PCDHGA3: variants seen among roughly 807,000 people sequenced by gnomAD.
The protein encoded by PCDHGA3 is protocadherin gamma subfamily A, 3, also known as protocadherin gamma-A3.
Under a neutral mutation model 58.5 loss-of-function variants are expected in PCDHGA3, and 40 were observed. The ratio of observed to expected loss-of-function variants is 0.68; its 90% CI spans 0.53 to 0.89. PCDHGA3 has a LOEUF of 0.89. Among genes scored for constraint, PCDHGA3 ranks in the 40% least tolerant of loss-of-function variants. The pLI is 0.00. For missense variants in PCDHGA3, 1,223 were observed against 1,195.9 expected (o/e 1.02, Z -0.33); for synonymous variants, 530 against 525.7 (o/e 1.01, Z -0.11).
In PCDHGA3 at chr5:141,366,896, A is replaced by T. The variant is rs73265840; in HGVS notation, c.2424+20439A>T. On this transcript the variant is annotated intron_variant, in intron 1 of 3. Coordinates refer to ENST00000253812, the MANE Select transcript of PCDHGA3 (RefSeq NM_018916.4). The stretch of plus-strand genomic sequence containing the variant: ...GAGATTAATTTTTTTTATATAATTC[A>T]TGCTTTCTCCATTTGTTTTCAAATT... The T allele has an allele frequency of 1.9e-3, 2,253 of 1,216,574 alleles. 33 individuals carry two copies. The African/African-American group carries it at 0.031, about 17-fold the overall frequency. The allele number at this position is 1,216,574 out of a possible 1,614,324, so 75.4% of individuals were successfully genotyped here.
In PCDHGA3 at chr5:141,345,129, A is replaced by C. The variant is rs561605906; in HGVS notation, c.1096A>C (p.Ile366Leu). 1 of 1,613,954 alleles carries C rather than the reference A, an allele frequency of 6.2e-7. No individual in the cohort carries two copies. The highest frequency in any genetic ancestry group is 1.3e-5 in the African/African-American group (1 of 75,012). The change falls in exon 1 of 4, where the codon ATT (isoleucine) becomes CTT (leucine). Residue 366 changes from isoleucine to leucine, a missense_variant. Coordinates refer to ENST00000253812, the MANE Select transcript of PCDHGA3 (RefSeq NM_018916.4). ...VPEEGTVGRE[I>L]ALIDVHDRDS... is the part of the protein sequence containing the mutation. ...AGAAGAGGGCACCGTTGGAAGAGAAATTGCTCTTATCGACGTGCATGACCG... is the reference window on the plus strand; with the variant it reads ...AGAAGAGGGCACCGTTGGAAGAGAACTTGCTCTTATCGACGTGCATGACCG...
At chr5:141,388,261 T>G (rs1439243738) in intron 1 of PCDHGA3, 1 of 1,611,348 alleles carries the variant, frequency 6.2e-7, no homozygotes, top group East Asian at 2.2e-5. Context: ...ATCGAGGACA[T>G]TAATGACCAC....
At position 141,431,493 on chromosome 5, in the gene PCDHGA3, C is replaced by G. The variant is rs1281626711; in HGVS notation, c.2425-63314C>G. On this transcript the variant is annotated intron_variant, in intron 1 of 3. Transcript: ENST00000253812. The surrounding 1 kb of genome is among the most constrained non-coding windows in gnomAD (Gnocchi z 4.8). ...GACAACGCACCAGCGTTTGCTCAGC[C>G]CGAGTACCGCGCGAGCGTTCCGGAG... 1 of 1,613,994 alleles carries G rather than the reference C, an allele frequency of 6.2e-7. No individual in the cohort carries two copies. The highest frequency in any genetic ancestry group is 8.5e-7 in the Non-Finnish European group (1 of 1,180,042).
intron 1 of PCDHGA3, among the ~76,000 whole-genome samples, chr5:141,462,069 C>T (rs555164288): frequency 4.3e-4 from 65 of 151,850 alleles, no homozygotes; most frequent in Non-Finnish European, 7.5e-4. Context: ...GTGATCTGCC[C>T]GCCTTGGCCT....
chr5:141,468,981 A>G (rs1209945826), intron 1 of PCDHGA3, among the ~76,000 whole-genome samples: 4 of 151,852 alleles, frequency 2.6e-5, no homozygotes, highest in East Asian at 1.9e-4. Context: ...TTTGACTTCC[A>G]AAATTATTGT....
chr5:141,404,628 C>T (rs1183309479), intron 1 of PCDHGA3: 2 of 1,614,100 alleles, frequency 1.2e-6, no homozygotes, highest in Non-Finnish European at 1.7e-6. Flanking sequence ...AATGACAATG[C>T]CCCAGAAATC....
intron 1 of PCDHGA3, chr5:141,352,414 C>T (rs1759006095): frequency 1.2e-6 from 2 of 1,614,062 alleles, no homozygotes; most frequent in Non-Finnish European, 1.7e-6. Context: ...CCAGCCTCGA[C>T]ACTGAGGGCT....
At chr5:141,444,672 A>G (rs990955921) in intron 1 of PCDHGA3, among the ~76,000 whole-genome samples, 2 of 152,086 alleles carry the variant, frequency 1.3e-5, no homozygotes, top group Non-Finnish European at 2.9e-5. Flanking sequence ...ATTTTTTTCA[A>G]TACCATTTAT....
At chr5:141,474,754 T>C (rs1351752958) in intron 1 of PCDHGA3, among the ~76,000 whole-genome samples, 4 of 152,228 alleles carry the variant, frequency 2.6e-5, no homozygotes, top group Non-Finnish European at 4.4e-5. Flanking sequence ...CCAAGACAAA[T>C]ATACAGAAAT....
At chr5:141,357,716 T>G in intron 1 of PCDHGA3, 2 of 1,441,654 alleles carry the variant, frequency 1.4e-6, no homozygotes, top group Non-Finnish European at 1.9e-6. Context: ...TCAAATAAAG[T>G]TGCCTCTTTT....
chr5:141,374,727 T>A (rs1169090117), intron 1 of PCDHGA3: 2 of 1,610,538 alleles, frequency 1.2e-6, no homozygotes, highest in Non-Finnish European at 1.7e-6. Flanking sequence ...CTTACTGCCA[T>A]GGATGGCGGC....
Position 141,344,719 on chromosome 5 carries a change from A to G in PCDHGA3, c.686A>G (p.Gln229Arg), listed in dbSNP as rs1202466378. 1.9e-6 allele frequency: 3 copies of G among 1,613,978 alleles called. No individual in the cohort carries two copies. Among genetic ancestry groups the G allele is most frequent in the Non-Finnish European group, 8.5e-7 (1 of 1,179,892 alleles). ...DPVHSGNLHI[Q>R]VIVLDANDNP... The stretch of plus-strand genomic sequence containing the variant: ...GTCCACTCTGGCAACTTGCACATCC[A>G]AGTGATAGTCCTGGATGCAAATGAC... The change falls in exon 1 of 4, where the codon CAA (glutamine) becomes CGA (arginine). Residue 229 changes from glutamine (Q) to arginine (R), a missense_variant. Coordinates refer to ENST00000253812, the MANE Select transcript of PCDHGA3 (RefSeq NM_018916.4).
intron 1 of PCDHGA3, among the ~76,000 whole-genome samples, chr5:141,454,379 T>A (rs770736083): frequency 1.2e-3 from 179 of 152,316 alleles, no homozygotes; most frequent in Non-Finnish European, 2.1e-3. Flanking sequence ...TGGCAACTTG[T>A]CAAGATGAAG....
chr5:141,427,810 G>T, intron 1 of PCDHGA3: 1 of 1,523,990 alleles, frequency 6.6e-7, no homozygotes, highest in Non-Finnish European at 9.0e-7. Flanking sequence ...AGCGCACAGA[G>T]CGGGGTGGTG....
chr5:141,384,002 T>C, intron 1 of PCDHGA3: 1 of 1,613,878 alleles, frequency 6.2e-7, no homozygotes, highest in South Asian at 1.1e-5. Flanking sequence ...GTCATTGCTC[T>C]TTTCTACCTA....
chr5:141,363,284 T>G (rs1762866895), intron 1 of PCDHGA3, among the ~76,000 whole-genome samples: 1 of 152,272 alleles, frequency 6.6e-6, no homozygotes, highest in Non-Finnish European at 1.5e-5. Flanking sequence ...AATTTCCTAA[T>G]TATATAGAAT....
At position 141,357,449 on chromosome 5, in the gene PCDHGA3, T is replaced by C. The variant is rs572307990; in HGVS notation, c.2424+10992T>C. 6.8e-6 allele frequency: 11 copies of C among 1,614,224 alleles called. No homozygotes were observed. The highest frequency in any genetic ancestry group is 6.7e-5 in the East Asian group (3 of 44,880). On this transcript the variant is annotated intron_variant, in intron 1 of 3. Coordinates refer to ENST00000253812, the MANE Select transcript of PCDHGA3 (RefSeq NM_018916.4). ...GGCGTGGACGGGGTTCGGGCTTTCC[T>C]GCAGACCTATTCCCACGAGGTCTCC... is the stretch of plus-strand genomic sequence containing the variant.
chr5:141,493,338 A>G lies in PCDHGA3; in HGVS notation c.2425-1469A>G, dbSNP rs773870729. Among the ~76,000 whole-genome samples the G allele has an allele frequency of 6.6e-6, 1 of 152,162 alleles. No individual in the cohort carries two copies. The highest frequency in any genetic ancestry group is 1.5e-5 in the Non-Finnish European group (1 of 68,028). On this transcript the variant is annotated intron_variant, in intron 1 of 3. Transcript: ENST00000253812. This position sits in a 1 kb window ranked among gnomAD's most constrained non-coding sequence, Gnocchi z 4.3. ...GATTCTAACCCCTGTCTAACTCCAG[A>G]ATGTGTGCTTTTAATTTCTTGGCAC...
At chr5:141,414,916 C>T in intron 1 of PCDHGA3, 2 of 1,614,194 alleles carry the variant, frequency 1.2e-6, no homozygotes, top group Non-Finnish European at 1.7e-6. Context: ...AGGCGTGGAG[C>T]TGGCGCCCCG....
Sources: allele counts gnomAD v4.1 joint callset (sites outside exome capture counted in the v4.1 genomes callset), GRCh38; gene constraint gnomAD v4.1.1; non-coding constraint Gnocchi (gnomAD v3.1); transcripts MANE v1.5; gene names NCBI Gene and HGNC (gene_info 2026-07-23, HGNC 2026-07-21).